The following FAM186A variants were observed in gnomAD, a reference collection of about 807,000 sequenced individuals.
FAM186A encodes the protein family with sequence similarity 186 member A.
In FAM186A, 163 loss-of-function variants were observed where a neutral mutation model predicts 216.8. The observed-to-expected ratio is 0.75, with a 90% CI of 0.66 to 0.86. The LOEUF is 0.86. Among genes scored for constraint, FAM186A ranks in the 40% least tolerant of loss-of-function variants. The pLI is 0.00. For missense variants in FAM186A, 2,184 were observed against 2,746.2 expected (o/e 0.80, Z 4.58); for synonymous variants, 805 against 1,025.3 (o/e 0.79, Z 4.10).
chr12:50,395,502 G>T (rs1475807603), intron 1 of FAM186A, among the ~76,000 whole-genome samples: 1 of 152,046 alleles, frequency 6.6e-6, no homozygotes, highest in Non-Finnish European at 1.5e-5. Context: ...TATAGATGGG[G>T]TCTCACTATG....
intron 1 of FAM186A, among the ~76,000 whole-genome samples, chr12:50,392,929 CTTT>C (rs71083560): frequency 1.0e-4 from 13 of 128,680 alleles, no homozygotes; most frequent in Admixed American, 1.6e-4. Flanking sequence ...TACTTGTATA[CTTT>C]TTTTTTTTTT....
chr12:50,334,405 C>T (rs542008748), intron 4 of FAM186A, among the ~76,000 whole-genome samples: 2 of 151,446 alleles, frequency 1.3e-5, no homozygotes, highest in South Asian at 2.1e-4. Flanking sequence ...CTCCTGACCT[C>T]GTGATCCACT....
At position 50,351,101 on chromosome 12, in the gene FAM186A, C is replaced by T; in HGVS notation, c.5731G>A (p.Ala1911Thr). ...GCTCGCCCAGGAAGGGTCCATGTTG[C>T]CAGATGCTGCCCAGGGGTAGAAGGA... ...QAPSTPGQHL[A>T]TWTLPGRASS... Residue 1911 changes from alanine (A) to threonine (T), a missense_variant, in exon 4 of 8, where the codon GCA becomes ACA. This residue lies in a region of FAM186A where 721 missense variants were observed against 816.4 expected (regional missense o/e 0.88). Transcript: ENST00000327337. 6.4e-7 allele frequency: 1 copy of T among 1,551,422 alleles called. No homozygotes were observed. Among genetic ancestry groups the T allele is most frequent in the Non-Finnish European group, 8.7e-7 (1 of 1,146,962 alleles).
At chr12:50,327,707 G>GT (rs895860785) in intron 7 of FAM186A, among the ~76,000 whole-genome samples, 19 of 151,664 alleles carry the variant, frequency 1.3e-4, no homozygotes, top group East Asian at 1.9e-4. Context: ...ACACCTGGCT[G>GT]TTTTTTTTGT....
At chr12:50,360,457 G>A (rs1184290940) in intron 3 of FAM186A, among the ~76,000 whole-genome samples, 2 of 151,068 alleles carry the variant, frequency 1.3e-5, no homozygotes, top group Non-Finnish European at 2.9e-5. Context: ...GGCCGAGGCA[G>A]GTGGATAACT....
chr12:50,334,230 G>T, intron 4 of FAM186A, 127 bp from the exon 5 acceptor site: 1 of 793,576 alleles, frequency 1.3e-6, no homozygotes, highest in Non-Finnish European at 1.9e-6. Context: ...GAGGTGCAAT[G>T]GTGCAATCAT....
Position 50,350,689 on chromosome 12 carries a change from G to A in FAM186A, c.6143C>T (p.Ser2048Phe). 6.4e-7 allele frequency: 1 copy of A among 1,551,664 alleles called. No homozygotes were observed. Among genetic ancestry groups the A allele is most frequent in the Non-Finnish European group, 8.7e-7 (1 of 1,146,990 alleles). ...LTLMKPTTSPSSLTTLLRTSQ... is the reference protein window; with the variant it reads ...LTLMKPTTSPFSLTTLLRTSQ... ...TGTTCTGAGTAGAGTAGTGAGAGAA[G>A]ATGGTGATGTTGTTGGCTTCATGAG... Residue 2048 changes from serine (S) to phenylalanine (F), a missense_variant, in exon 4 of 8, where the codon TCT becomes TTT. Around this residue, in one of 7 missense-constraint regions of FAM186A, gnomAD observed 721 missense variants for 816.4 expected, o/e 0.88. Transcript: ENST00000327337.
At chr12:50,377,201 G>A (rs576367616) in intron 1 of FAM186A, among the ~76,000 whole-genome samples, 84 of 152,232 alleles carry the variant, frequency 5.5e-4, no homozygotes, top group Admixed American at 1.5e-3. Flanking sequence ...GTGTAATGAC[G>A]GACAAATACA....
chr12:50,342,509 C>T (rs1284132323), intron 4 of FAM186A, among the ~76,000 whole-genome samples: 2 of 148,780 alleles, frequency 1.3e-5, no homozygotes, highest in Admixed American at 1.4e-4. Flanking sequence ...GAGTCTCGCT[C>T]TGTTGCCCAG....
At position 50,330,486 on chromosome 12, in the gene FAM186A, G is replaced by A. The variant is rs1592594739; in HGVS notation, c.7034+87C>T. On this transcript the variant is annotated intron_variant, in intron 7 of 7. Coordinates refer to ENST00000327337, the MANE Select transcript of FAM186A (RefSeq NM_001145475.3). ...AACATTACTTTTGGTTGATGTACCT[G>A]GTGCTACAGGAGAAAGTCAAGTTAG... 1.1e-5 allele frequency: 15 copies of A among 1,339,916 alleles called. No homozygotes were observed. The East Asian group carries it at 3.9e-4, about 34-fold the overall frequency. The allele number at this position is 1,339,916 out of a possible 1,614,324, so 83.0% of individuals were successfully genotyped here. A position where few individuals can be genotyped will look rare whatever the true frequency, so the allele number is the denominator to read the frequency against.
intron 4 of FAM186A, among the ~76,000 whole-genome samples, chr12:50,347,539 T>C (rs1275368572): frequency 6.6e-6 from 1 of 151,938 alleles, no homozygotes; most frequent in South Asian, 2.1e-4. Flanking sequence ...GAGACCAGCC[T>C]GGCCAACATG....
Position 50,334,003 on chromosome 12 carries a change from T to C in FAM186A, c.6604A>G (p.Lys2202Glu), listed in dbSNP as rs1293015981. ...TCAGTCCAGACCTGCATCACCTTTT[T>C]CCCGTAGTCATCAAGTCTGCTCAGC... Reference protein sequence around the residue: ...MMLSRLDDYGKKVMQVWTEKQ... With the variant: ...MMLSRLDDYGEKVMQVWTEKQ... Residue 2202 changes from lysine (K) to glutamate (E), a missense_variant, in exon 5 of 8, where the codon AAA becomes GAA. Coordinates refer to ENST00000327337, the MANE Select transcript of FAM186A (RefSeq NM_001145475.3). 1.3e-6 allele frequency: 2 copies of C among 1,551,564 alleles called. No homozygotes were observed. The highest frequency in any genetic ancestry group is 8.7e-7 in the Non-Finnish European group (1 of 1,146,994).
At chr12:50,367,033 T>C (rs139556996) in intron 1 of FAM186A, among the ~76,000 whole-genome samples, 120 of 151,474 alleles carry the variant, frequency 7.9e-4, no homozygotes, top group African/African-American at 2.8e-3. Context: ...AAAAAACATA[T>C]ACAAAAGAAA....
chr12:50,373,232 A>G (rs900159203), intron 1 of FAM186A, among the ~76,000 whole-genome samples: 4 of 152,054 alleles, frequency 2.6e-5, no homozygotes, highest in Non-Finnish European at 5.9e-5. Context: ...CCCCGTCTCT[A>G]CTGAAAATGC....
intron 1 of FAM186A, among the ~76,000 whole-genome samples, chr12:50,375,262 A>G (rs1320632260): frequency 6.6e-6 from 1 of 151,966 alleles, no homozygotes; most frequent in Non-Finnish European, 1.5e-5. Flanking sequence ...ACAAACTGAA[A>G]TTTGGCCGAG....
intron 4 of FAM186A, among the ~76,000 whole-genome samples, chr12:50,349,027 CA>C (rs1565882507): frequency 6.6e-6 from 1 of 152,120 alleles, no homozygotes; most frequent in African/African-American, 2.4e-5. Context: ...GTGTTACAAA[CA>C]ATCCAATAAT....
Position 50,355,066 on chromosome 12 carries a change from A to C in FAM186A, c.1766T>G (p.Leu589Arg), listed in dbSNP as rs1345559602. 1.9e-6 allele frequency: 3 copies of C among 1,551,464 alleles called. No homozygotes were observed. The highest frequency in any genetic ancestry group is 2.0e-5 in the Admixed American group (1 of 50,964). Residue 589 changes from leucine (L) to arginine (R), a missense_variant, in exon 4 of 8, where the codon CTC becomes CGC. Leu to Arg is a moderately radical substitution (Grantham distance 102). This residue lies in a region of FAM186A where 1,132 missense variants were observed against 1,263.4 expected (regional missense o/e 0.90). Coordinates refer to ENST00000327337, the MANE Select transcript of FAM186A (RefSeq NM_001145475.3). Reference protein sequence around the residue: ...KGEIRSLVEPLSMIQFDDTAE... With the variant: ...KGEIRSLVEPRSMIQFDDTAE... ...AGTATCATCAAATTGGATCATACTG[A>C]GTGGCTCCACTAGGCTTCTAATTTC...
rs947697349 is a variant in FAM186A at position 50,356,386 on chromosome 12, T to C, written c.584-138A>G. On this transcript the variant is annotated intron_variant, in intron 3 of 7. Coordinates refer to ENST00000327337, the MANE Select transcript of FAM186A (RefSeq NM_001145475.3). ...AAGATAAAGATTAATCTGAAAACTTTAGCTCTAAAATAAACAGTATTATTT... is the reference window on the plus strand; with the variant it reads ...AAGATAAAGATTAATCTGAAAACTTCAGCTCTAAAATAAACAGTATTATTT... The C allele has an allele frequency of 9.2e-5, 60 of 654,200 alleles. No homozygotes were observed. In the African/African-American group the frequency reaches 1.0e-3, roughly 11 times the overall value. 40.5% of individuals were successfully genotyped at this position (654,200 alleles called of 1,614,324 possible).
Position 50,351,461 on chromosome 12 carries a change from C to T in FAM186A, c.5371G>A (p.Ala1791Thr), listed in dbSNP as rs1318209604. The T allele has an allele frequency of 6.8e-7, 1 of 1,476,736 alleles. No individual in the cohort carries two copies. 91.5% of individuals were successfully genotyped at this position (1,476,736 alleles called of 1,614,324 possible). A position where few individuals can be genotyped will look rare whatever the true frequency, so the allele number is the denominator to read the frequency against. Residue 1791 changes from alanine (A) to threonine (T), a missense_variant, in exon 4 of 8, where the codon GCA becomes ACA. Physicochemically the swap from Ala to Thr is moderately conservative, Grantham distance 58. This residue lies in a region of FAM186A where 721 missense variants were observed against 816.4 expected (regional missense o/e 0.88). Transcript: ENST00000327337. ...CCAGAGGAACGAAGAGTCTGTGGTG[C>T]CCCAAGCTTCCCAGGCTCAGAAAGA... ...GILSEPGKLG[A>T]PQTLRSSGQT...
Sources: allele counts gnomAD v4.1 joint callset (sites outside exome capture counted in the v4.1 genomes callset), GRCh38; gene constraint gnomAD v4.1.1; regional missense constraint gnomAD v4.1.1; transcripts MANE v1.5; gene names NCBI Gene and HGNC (gene_info 2026-07-23, HGNC 2026-07-21).